Variants in CACNG2 observed in about 807,000 individuals in gnomAD.
CACNG2 encodes calcium voltage-gated channel auxiliary subunit gamma 2, also known as voltage-dependent calcium channel gamma-2 subunit.
A neutral mutation model predicts 25.9 loss-of-function variants in CACNG2; 3 were observed. The observed-to-expected ratio is 0.12, with a 90% CI of 0.05 to 0.30. CACNG2 has a LOEUF of 0.30. CACNG2 is among the 10% of genes least tolerant of loss of function. CACNG2 has a pLI of 1.00. For synonymous variants in CACNG2, 167 were observed against 173.3 expected (o/e 0.96, Z 0.29); for missense variants, 341 against 432.5 (o/e 0.79, Z 1.88).
intron 2 of CACNG2, among the ~76,000 whole-genome samples, chr22:36,581,528 C>T (rs1935419071): frequency 6.6e-6 from 1 of 152,224 alleles, no homozygotes; most frequent in African/African-American, 2.4e-5. Context: ...CAGCCATGCT[C>T]TTCTGGCATT....
At chr22:36,664,662 G>C (rs760826224) in intron 1 of CACNG2, among the ~76,000 whole-genome samples, 1 of 152,168 alleles carries the variant, frequency 6.6e-6, no homozygotes, top group Non-Finnish European at 1.5e-5. Flanking sequence ...TAACAAACCC[G>C]AGCTGAGAGC....
intron 1 of CACNG2, among the ~76,000 whole-genome samples, chr22:36,670,929 T>A (rs1811112): frequency 6.6e-5 from 10 of 151,768 alleles, no homozygotes; most frequent in Admixed American, 5.9e-4. Context: ...TTCTTTTTTT[T>A]TTTTTTTTGA....
At chr22:36,640,088 T>C (rs1461770197) in intron 1 of CACNG2, among the ~76,000 whole-genome samples, 11 of 151,936 alleles carry the variant, frequency 7.2e-5, no homozygotes, top group Admixed American at 7.2e-4. Context: ...TGTCCAAGAG[T>C]AGGGACTCTG....
At chr22:36,615,847 T>TA (rs1378454079) in intron 1 of CACNG2, among the ~76,000 whole-genome samples, 1 of 152,102 alleles carries the variant, frequency 6.6e-6, no homozygotes, top group Non-Finnish European at 1.5e-5. Context: ...TAGTGTTAGT[T>TA]AAAAAAATTG....
chr22:36,632,162 A>G (rs1936281937), intron 1 of CACNG2, among the ~76,000 whole-genome samples: 1 of 151,610 alleles, frequency 6.6e-6, no homozygotes, highest in African/African-American at 2.4e-5. Context: ...AAGCTGAATG[A>G]CCTATTTTCT....
chr22:36,683,973 G>A lies in CACNG2; in HGVS notation c.211+18393C>T, dbSNP rs149671468. ...TCAGAAAGGCCCTTACAGTCCAGGC[G>A]ACTTCTGTGAATTGGCCTCTGACCT... On this transcript the variant is annotated intron_variant, in intron 1 of 3. Coordinates refer to ENST00000300105, the MANE Select transcript of CACNG2 (RefSeq NM_006078.5). Among the ~76,000 whole-genome samples, 398 of 152,274 alleles carry A rather than the reference G, an allele frequency of 2.6e-3. 4 individuals carry two copies. Among genetic ancestry groups the A allele is most frequent in the African/African-American group, 8.8e-3 (365 of 41,540 alleles).
chr22:36,672,529 C>T (rs1936966213), intron 1 of CACNG2, among the ~76,000 whole-genome samples: 1 of 152,182 alleles, frequency 6.6e-6, no homozygotes, highest in African/African-American at 2.4e-5. Flanking sequence ...AGGATGACTT[C>T]AATGAGGCTT....
chr22:36,587,332 G>C (rs1213005854), intron 2 of CACNG2, 133 bp downstream of exon 2: 2 of 762,986 alleles, frequency 2.6e-6, no homozygotes, highest in East Asian at 2.5e-5. Context: ...CTCCGGAAAG[G>C]AGAGAGGCTT....
At chr22:36,583,356 C>T (rs991333105) in intron 2 of CACNG2, among the ~76,000 whole-genome samples, 1 of 151,740 alleles carries the variant, frequency 6.6e-6, no homozygotes, top group Non-Finnish European at 1.5e-5. Flanking sequence ...TTGCTTGAAC[C>T]CAGGAGGCAG....
At chr22:36,622,585 T>C (rs1248914854) in intron 1 of CACNG2, among the ~76,000 whole-genome samples, 1 of 152,206 alleles carries the variant, frequency 6.6e-6, no homozygotes, top group East Asian at 1.9e-4. Flanking sequence ...CATTCGGCTC[T>C]GGACCTCTGT....
chr22:36,570,632 G>A (rs980789725), intron 2 of CACNG2, among the ~76,000 whole-genome samples: 3 of 152,020 alleles, frequency 2.0e-5, no homozygotes, highest in Non-Finnish European at 2.9e-5. Flanking sequence ...GCATGGTGGT[G>A]CGTGTCAGTA....
At chr22:36,620,349 C>A (rs1482032372) in intron 1 of CACNG2, among the ~76,000 whole-genome samples, 1 of 152,224 alleles carries the variant, frequency 6.6e-6, no homozygotes, top group Non-Finnish European at 1.5e-5. Context: ...CGACTTTCCA[C>A]TAAGTGATAG....
At chr22:36,694,957 T>G (rs1261623717) in intron 1 of CACNG2, among the ~76,000 whole-genome samples, 1 of 152,156 alleles carries the variant, frequency 6.6e-6, no homozygotes, top group Non-Finnish European at 1.5e-5. Flanking sequence ...GGCTCACTCC[T>G]GTACTCCCAG....
intron 1 of CACNG2, among the ~76,000 whole-genome samples, chr22:36,691,933 C>T (rs989960576): frequency 1.3e-5 from 2 of 152,056 alleles, no homozygotes; most frequent in African/African-American, 2.4e-5. Flanking sequence ...TCAACACTAG[C>T]GAAAATTCAG....
intron 1 of CACNG2, among the ~76,000 whole-genome samples, chr22:36,621,122 T>A (rs903207910): frequency 1.3e-5 from 2 of 152,250 alleles, no homozygotes; most frequent in African/African-American, 4.8e-5. Context: ...GGATCTCTTA[T>A]AGGTATTGAG....
chr22:36,593,528 G>A (rs1033663450), intron 1 of CACNG2, among the ~76,000 whole-genome samples: 2 of 152,158 alleles, frequency 1.3e-5, no homozygotes, highest in Non-Finnish European at 2.9e-5. Context: ...GAGTTTGCAG[G>A]GGCGGTGGTG....
rs899662674 is a variant in CACNG2 at position 36,564,816 on chromosome 22, G to A, written c.507C>T (p.Ser169=). Residue 169 remains serine (S), a synonymous_variant, in exon 4 of 4, where the codon TCC becomes TCT. Coordinates refer to ENST00000300105, the MANE Select transcript of CACNG2 (RefSeq NM_006078.5). The surrounding 1 kb of genome is among the most constrained non-coding windows in gnomAD (Gnocchi z 6.7). ...AGCCGTATGAGTAACTATTCTTTTT[G>A]GAGTCGCTCTTGGAGGGGTCTCCGG... ...ANAGDPSKSD[S]KKNSYSYGWS... 4 of 1,614,198 alleles carry A rather than the reference G, an allele frequency of 2.5e-6. No individual in the cohort carries two copies. Among genetic ancestry groups the A allele is most frequent in the Non-Finnish European group, 2.5e-6 (3 of 1,180,020 alleles).
At chr22:36,632,363 A>T (rs2145959157) in intron 1 of CACNG2, among the ~76,000 whole-genome samples, 1 of 152,198 alleles carries the variant, frequency 6.6e-6, no homozygotes, top group Admixed American at 6.5e-5. Flanking sequence ...GGAAAAAACA[A>T]CTGACCTTCC....
At chr22:36,676,980 T>C (rs975954692) in intron 1 of CACNG2, among the ~76,000 whole-genome samples, 4 of 115,986 alleles carry the variant, frequency 3.4e-5, no homozygotes, top group African/African-American at 1.2e-4. Context: ...TTTAAAAATC[T>C]TTTGTCAGCA....
Sources: gnomAD v4.1 joint callset for allele counts (sites outside exome capture counted in the v4.1 genomes callset) on GRCh38, gnomAD v4.1.1 for gene constraint, Gnocchi (gnomAD v3.1) non-coding constraint, MANE v1.5 for transcripts, NCBI Gene and HGNC (gene_info 2026-07-23, HGNC 2026-07-21) for gene names.